The following CNBD1 variants were observed in gnomAD, a reference collection of about 807,000 sequenced individuals.
CNBD1 encodes cyclic nucleotide-binding domain-containing protein 1.
In CNBD1, 71 loss-of-function variants were observed where a neutral mutation model predicts 54.4. That is an observed-to-expected ratio of 1.30 (90% CI 1.08 to 1.59). CNBD1 has a LOEUF of 1.59. CNBD1 is among the 40% of genes most tolerant of loss of function. CNBD1 has a pLI of 0.00. For missense variants in CNBD1, 659 were observed against 518.0 expected (o/e 1.27, Z -2.64); for synonymous variants, 182 against 170.7 (o/e 1.07, Z -0.51).
chr8:87,115,472 G>A (rs112000280), intron 4 of CNBD1, among the ~76,000 whole-genome samples: 9 of 152,196 alleles, frequency 5.9e-5, no homozygotes, highest in African/African-American at 1.9e-4. Context: ...GAATGAAAAT[G>A]GGCAGATTTT....
At chr8:87,374,495 G>T (rs75402754) in intron 10 of CNBD1, among the ~76,000 whole-genome samples, 3 of 151,678 alleles carry the variant, frequency 2.0e-5, no homozygotes, top group Non-Finnish European at 1.5e-5. Flanking sequence ...TTCATTGCCC[G>T]TCTTTACATA....
chr8:87,282,268 T>G (rs1354060567), intron 6 of CNBD1, among the ~76,000 whole-genome samples: 1 of 151,738 alleles, frequency 6.6e-6, no homozygotes, highest in Non-Finnish European at 1.5e-5. Context: ...TGAAAGCAAT[T>G]TAAATCTCTC....
intron 2 of CNBD1, among the ~76,000 whole-genome samples, chr8:87,399,166 A>G (rs1288094442): frequency 2.0e-5 from 3 of 152,184 alleles, no homozygotes; most frequent in East Asian, 3.9e-4. Context: ...AGATGATTCA[A>G]TAGCTGATGG....
At chr8:87,332,256 G>T (rs1255072562) in intron 8 of CNBD1, among the ~76,000 whole-genome samples, 2 of 151,956 alleles carry the variant, frequency 1.3e-5, no homozygotes, top group African/African-American at 4.8e-5. Flanking sequence ...GCTGAGTCAG[G>T]AGAATCGCTT....
At chr8:87,280,387 T>C (rs779540354) in intron 6 of CNBD1, among the ~76,000 whole-genome samples, 9 of 151,472 alleles carry the variant, frequency 5.9e-5, no homozygotes, top group South Asian at 2.1e-4. Flanking sequence ...TCAAGAAAAA[T>C]AGATGTACAA....
At position 87,211,398 on chromosome 8, in the gene CNBD1, T is replaced by C. The variant is rs554921924; in HGVS notation, c.577+5260T>C. Among the ~76,000 whole-genome samples, 14 of 152,214 alleles carry C rather than the reference T, an allele frequency of 9.2e-5. No homozygotes were observed. In the East Asian group the frequency reaches 2.7e-3, roughly 30 times the overall value. On this transcript the variant is annotated intron_variant, in intron 5 of 10. Coordinates refer to ENST00000518476, the MANE Select transcript of CNBD1 (RefSeq NM_173538.3). Reference sequence around the variant, plus strand: ...GATGGGATAATTTTATTTTGGAATGTGAGAAGAATATGAGATTTGGGGGCC... The same window carrying C: ...GATGGGATAATTTTATTTTGGAATGCGAGAAGAATATGAGATTTGGGGGCC...
chr8:87,257,882 C>T (rs1808053471), intron 6 of CNBD1, among the ~76,000 whole-genome samples: 1 of 152,006 alleles, frequency 6.6e-6, no homozygotes, highest in African/African-American at 2.4e-5. Context: ...CATTTTTATA[C>T]AAGGAAATTT....
intron 4 of CNBD1, among the ~76,000 whole-genome samples, chr8:87,062,304 G>T (rs893976779): frequency 1.3e-5 from 2 of 152,046 alleles, no homozygotes; most frequent in African/African-American, 2.4e-5. Context: ...CTGCCTGAGT[G>T]TGTATGTGAG....
chr8:87,416,680 T>C (rs2130989701), intron 2 of CNBD1, among the ~76,000 whole-genome samples: 1 of 152,166 alleles, frequency 6.6e-6, no homozygotes. Flanking sequence ...AAAGCCTTTT[T>C]CCCAGGGGTG....
chr8:87,397,708 A>T (rs1586078126), intron 2 of CNBD1, among the ~76,000 whole-genome samples: 2 of 151,980 alleles, frequency 1.3e-5, no homozygotes, highest in East Asian at 3.9e-4. Flanking sequence ...CTGATGATTA[A>T]GTTATTATCA....
chr8:87,376,133 G>T (rs150271416), intron 10 of CNBD1, among the ~76,000 whole-genome samples: 1 of 152,004 alleles, frequency 6.6e-6, no homozygotes, highest in Non-Finnish European at 1.5e-5. Flanking sequence ...AGGAAATATA[G>T]TTTAGATGAG....
At chr8:86,914,278 A>G (rs182413796) in intron 3 of CNBD1, among the ~76,000 whole-genome samples, 1 of 152,348 alleles carries the variant, frequency 6.6e-6, no homozygotes, top group African/African-American at 2.4e-5. Context: ...ATGAATGTCC[A>G]TGAAATCTTC....
chr8:87,166,565 A>G lies in CNBD1; in HGVS notation c.432-39428A>G, dbSNP rs77805633. On this transcript the variant is annotated intron_variant, in intron 4 of 10. Coordinates refer to ENST00000518476, the MANE Select transcript of CNBD1 (RefSeq NM_173538.3). The surrounding 1 kb of genome is among the most constrained non-coding windows in gnomAD (Gnocchi z 4.3). ...AACAATGTTACACATGGCCTGAGGG[A>G]TCTGGCCCAGCTCAGTTTCTCAATG... is the stretch of plus-strand genomic sequence containing the variant. Among the ~76,000 whole-genome samples, 2,671 of 152,074 alleles carry G rather than the reference A, an allele frequency of 0.018. 72 individuals are homozygous for G. Among genetic ancestry groups the G allele is most frequent in the African/African-American group, 0.061 (2,530 of 41,518 alleles).
chr8:86,873,502 T>C (rs760478209), intron 1 of CNBD1, among the ~76,000 whole-genome samples: 48 of 152,072 alleles, frequency 3.2e-4, no homozygotes, highest in Admixed American at 5.2e-4. Context: ...CAATGCTCAG[T>C]CTTCCTACTT....
At chr8:87,239,157 G>T (rs1807639422) in intron 6 of CNBD1, among the ~76,000 whole-genome samples, 1 of 152,074 alleles carries the variant, frequency 6.6e-6, no homozygotes. Flanking sequence ...TTGAAAAAAT[G>T]AAAAGATAGA....
intron 4 of CNBD1, among the ~76,000 whole-genome samples, chr8:86,998,964 G>A (rs1006312192): frequency 4.6e-5 from 7 of 152,140 alleles, no homozygotes; most frequent in African/African-American, 1.4e-4. Context: ...AATGGAAAAC[G>A]AATTCCTCAT....
chr8:86,918,570 C>T (rs1306321450), intron 3 of CNBD1, among the ~76,000 whole-genome samples: 1 of 151,888 alleles, frequency 6.6e-6, no homozygotes, highest in Non-Finnish European at 1.5e-5. Context: ...GAATAAGTCT[C>T]ATGAGATCTG....
chr8:87,267,421 G>A lies in CNBD1; in HGVS notation c.772-17257G>A, dbSNP rs76168602. On this transcript the variant is annotated intron_variant, in intron 6 of 10. Transcript: ENST00000518476. ...AATTGTGAAGAAATAAACATTGGAG[G>A]TGTTCCTACTGCTGATATGAATATA... 1.8e-3 allele frequency among the ~76,000 whole-genome samples: 277 copies of A among 152,254 alleles called. 6 individuals are homozygous for A. The East Asian group carries it at 0.044, about 24-fold the overall frequency.
intron 4 of CNBD1, among the ~76,000 whole-genome samples, chr8:87,119,984 T>C (rs1001846016): frequency 6.6e-6 from 1 of 152,114 alleles, no homozygotes; most frequent in African/African-American, 2.4e-5. Flanking sequence ...TGCTGGTATT[T>C]TGTTGAGAAT....
Sources: gnomAD v4.1 joint callset for allele counts (sites outside exome capture counted in the v4.1 genomes callset) on GRCh38, gnomAD v4.1.1 for gene constraint, Gnocchi (gnomAD v3.1) non-coding constraint, MANE v1.5 for transcripts, NCBI Gene and HGNC (gene_info 2026-07-23, HGNC 2026-07-21) for gene names.